CACNA2D3: variants seen among roughly 807,000 people sequenced by gnomAD.
CACNA2D3 encodes the protein voltage-dependent calcium channel subunit alpha-2/delta-3.
In CACNA2D3, 60 loss-of-function variants were observed where a neutral mutation model predicts 160.6. The ratio of observed to expected loss-of-function variants is 0.37; its 90% CI spans 0.30 to 0.46. CACNA2D3 has a LOEUF of 0.46. CACNA2D3 is among the 20% of genes least tolerant of loss of function. The pLI, the probability that CACNA2D3 is intolerant of heterozygous loss-of-function variation, is 1.00. For synonymous variants in CACNA2D3, 558 were observed against 492.9 expected (o/e 1.13, Z -1.75); for missense variants, 1,205 against 1,365.0 (o/e 0.88, Z 1.85).
At chr3:54,688,979 CAAAAAAAAAAA>C (rs1162900126) in intron 11 of CACNA2D3, among the ~76,000 whole-genome samples, 715 of 31,428 alleles carry the variant, frequency 0.023, 32 homozygotes, top group African/African-American at 0.074. Flanking sequence ...GAGACTGTCT[CAAAAAAAAAAA>C]AAAAAAAAAA....
chr3:54,992,498 A>G (rs941163467), intron 31 of CACNA2D3, among the ~76,000 whole-genome samples: 2 of 152,104 alleles, frequency 1.3e-5, no homozygotes, highest in African/African-American at 2.4e-5. Flanking sequence ...TCATATCACA[A>G]AGTGAGAGCT....
At chr3:55,026,753 T>C (rs1406131145) in intron 35 of CACNA2D3, among the ~76,000 whole-genome samples, 1 of 152,202 alleles carries the variant, frequency 6.6e-6, no homozygotes, top group Non-Finnish European at 1.5e-5. Flanking sequence ...GGCCTAGGGC[T>C]TGTTGCCCTT....
intron 11 of CACNA2D3, among the ~76,000 whole-genome samples, chr3:54,666,034 T>TG (rs1425195875): frequency 6.6e-6 from 1 of 152,088 alleles, no homozygotes; most frequent in Admixed American, 6.6e-5. Context: ...GATGGATGGA[T>TG]GAATAATCAG....
At chr3:55,073,119 G>T (rs963468521) in intron 35 of CACNA2D3, among the ~76,000 whole-genome samples, 4 of 152,120 alleles carry the variant, frequency 2.6e-5, no homozygotes. Flanking sequence ...AGGAAATTAG[G>T]CTTTGAAAGT....
At chr3:54,541,183 A>C (rs1701970464) in intron 5 of CACNA2D3, among the ~76,000 whole-genome samples, 2 of 147,936 alleles carry the variant, frequency 1.4e-5, no homozygotes, top group South Asian at 4.5e-4. Context: ...AGGCTGAGGC[A>C]GGAGAATGGC....
At chr3:54,996,426 G>A (rs1318243120) in intron 31 of CACNA2D3, among the ~76,000 whole-genome samples, 3 of 152,256 alleles carry the variant, frequency 2.0e-5, no homozygotes, top group African/African-American at 2.4e-5. Context: ...GCAGCTAGGT[G>A]CATTTACTGG....
intron 11 of CACNA2D3, among the ~76,000 whole-genome samples, chr3:54,691,944 T>C (rs1333867231): frequency 1.3e-5 from 2 of 152,202 alleles, no homozygotes; most frequent in Non-Finnish European, 2.9e-5. Context: ...TACAAACAGC[T>C]GATAACTAGT....
At chr3:54,891,328 C>A (rs766510872) in intron 24 of CACNA2D3, 27 bp from the exon 25 acceptor site, 4 of 1,547,140 alleles carry the variant, frequency 2.6e-6, no homozygotes, top group Non-Finnish European at 3.6e-6. Flanking sequence ...TAGAGGCCTC[C>A]CCCTGACGTC....
intron 13 of CACNA2D3, among the ~76,000 whole-genome samples, chr3:54,784,248 G>T (rs1195136214): frequency 2.0e-5 from 3 of 152,210 alleles, no homozygotes; most frequent in Non-Finnish European, 4.4e-5. Context: ...AGCAAGTTTA[G>T]CAGCCTGGGA....
At chr3:54,638,443 A>G (rs1304936615) in intron 10 of CACNA2D3, 2 of 151,974 alleles carry the variant, frequency 1.3e-5, no homozygotes, top group East Asian at 1.9e-4. Flanking sequence ...AAGCCGGAGC[A>G]GGTGTGAGGA....
intron 4 of CACNA2D3, among the ~76,000 whole-genome samples, chr3:54,415,064 A>G (rs1699733370): frequency 6.6e-6 from 1 of 152,144 alleles, no homozygotes; most frequent in Admixed American, 6.6e-5. Context: ...CGTTCTTGGC[A>G]TATCCGAAAT....
intron 5 of CACNA2D3, among the ~76,000 whole-genome samples, chr3:54,511,263 C>T (rs1328959329): frequency 6.6e-5 from 10 of 152,194 alleles, no homozygotes; most frequent in African/African-American, 2.4e-4. Context: ...GGTTTTGTCT[C>T]TCCTTCTGTT....
chr3:54,894,758 A>G (rs1700150434), intron 25 of CACNA2D3: 2 of 437,502 alleles, frequency 4.6e-6, no homozygotes, highest in Middle Eastern at 3.4e-4. Flanking sequence ...TTTCATGTCT[A>G]GCGAAAGAAA....
chr3:54,798,710 C>G (rs1483285821), intron 13 of CACNA2D3, among the ~76,000 whole-genome samples: 2 of 152,232 alleles, frequency 1.3e-5, no homozygotes, highest in African/African-American at 4.8e-5. Flanking sequence ...GAGTTTTGCA[C>G]CACTGAGGAA....
intron 27 of CACNA2D3, among the ~76,000 whole-genome samples, chr3:54,948,068 A>T (rs1701658680): frequency 6.6e-6 from 1 of 152,182 alleles, no homozygotes; most frequent in Non-Finnish European, 1.5e-5. Flanking sequence ...TACGGAGGAG[A>T]TGGTGATGTC....
At chr3:54,672,815 A>G (rs1700183290) in intron 11 of CACNA2D3, among the ~76,000 whole-genome samples, 2 of 152,216 alleles carry the variant, frequency 1.3e-5, no homozygotes, top group Non-Finnish European at 2.9e-5. Flanking sequence ...CAAGGATTAA[A>G]GGAGATAGTG....
intron 35 of CACNA2D3, among the ~76,000 whole-genome samples, chr3:55,045,846 C>T (rs1704067296): frequency 6.6e-6 from 1 of 151,844 alleles, no homozygotes; most frequent in African/African-American, 2.4e-5. Flanking sequence ...TTTAAAAGAA[C>T]CAGCTGTTAG....
At chr3:54,644,564 T>C (rs1166985118) in intron 11 of CACNA2D3, among the ~76,000 whole-genome samples, 1 of 152,204 alleles carries the variant, frequency 6.6e-6, no homozygotes, top group Non-Finnish European at 1.5e-5. Context: ...ATGTTAGCTA[T>C]TCAGTAGAGA....
chr3:54,132,274 A>G (rs1699728360), intron 2 of CACNA2D3, among the ~76,000 whole-genome samples: 1 of 152,242 alleles, frequency 6.6e-6, no homozygotes, highest in Admixed American at 6.5e-5. Context: ...ATTTGCTTTT[A>G]TAATACGAAA....
Sources: allele counts gnomAD v4.1 joint callset (sites outside exome capture counted in the v4.1 genomes callset), GRCh38; gene constraint gnomAD v4.1.1; transcripts MANE v1.5; gene names NCBI Gene and HGNC (gene_info 2026-07-23, HGNC 2026-07-21).